The following ABCC5 variants were observed in gnomAD, a reference collection of about 807,000 sequenced individuals.
The protein encoded by ABCC5 is ATP binding cassette subfamily C member 5, also known as ATP-binding cassette sub-family C member 5.
A neutral mutation model predicts 160.9 loss-of-function variants in ABCC5; 61 were observed. The ratio of observed to expected loss-of-function variants is 0.38; its 90% CI spans 0.31 to 0.47. ABCC5 has a LOEUF of 0.47. ABCC5 is among the 20% of genes least tolerant of loss of function. The pLI is 0.99. For missense variants in ABCC5, 1,308 were observed against 1,813.3 expected (o/e 0.72, Z 5.06); for synonymous variants, 666 against 700.6 (o/e 0.95, Z 0.78).
At chr3:183,953,753 C>T (rs1039865201) in intron 17 of ABCC5, among the ~76,000 whole-genome samples, 1 of 152,076 alleles carries the variant, frequency 6.6e-6, no homozygotes, top group Non-Finnish European at 1.5e-5. Flanking sequence ...AAGGAGAGAG[C>T]AGGCAGAGAA....
chr3:183,998,800 T>C (rs1720493735), intron 2 of ABCC5, among the ~76,000 whole-genome samples: 1 of 152,068 alleles, frequency 6.6e-6, no homozygotes, highest in East Asian at 1.9e-4. Flanking sequence ...AGATAAACAA[T>C]GACTCAGGGC....
intron 8 of ABCC5, among the ~76,000 whole-genome samples, chr3:183,979,261 C>A (rs1718491745): frequency 1.3e-5 from 2 of 151,976 alleles, no homozygotes; most frequent in South Asian, 4.2e-4. Context: ...CGGAGAATTG[C>A]CTGAACCTGG....
intron 14 of ABCC5, 61 bp downstream of exon 14, chr3:183,965,124 G>A: frequency 6.4e-7 from 1 of 1,558,540 alleles, no homozygotes; most frequent in South Asian, 1.1e-5. Flanking sequence ...ACTCCCAGGA[G>A]CAGCTCTGGC....
chr3:183,985,020 A>G (rs764720691), intron 5 of ABCC5: 65 of 829,894 alleles, frequency 7.8e-5, no homozygotes, highest in Non-Finnish European at 1.2e-4. Context: ...TAAAAGACAT[A>G]GTGAATGTTT....
At chr3:183,924,585 G>C (rs893575900) in intron 29 of ABCC5, among the ~76,000 whole-genome samples, 1 of 152,130 alleles carries the variant, frequency 6.6e-6, no homozygotes, top group African/African-American at 2.4e-5. Flanking sequence ...TAATTTACTT[G>C]TATCCTAGGG....
chr3:183,986,606 T>C (rs1719239482), intron 5 of ABCC5: 1 of 152,120 alleles, frequency 6.6e-6, no homozygotes, highest in Non-Finnish European at 1.5e-5. Flanking sequence ...ATTGGCCAAA[T>C]GGAATCAAGA....
intron 28 of ABCC5, 56 bp from the exon 29 acceptor site, chr3:183,925,775 T>C (rs1284255726): frequency 6.5e-7 from 1 of 1,538,926 alleles, no homozygotes; most frequent in Non-Finnish European, 8.8e-7. Flanking sequence ...GCATTCTGGT[T>C]AATCTAGATT....
chr3:183,967,501 C>G (rs973211028), intron 12 of ABCC5, 194 bp downstream of exon 12: 1 of 578,548 alleles, frequency 1.7e-6, no homozygotes, highest in Non-Finnish European at 3.1e-6. Flanking sequence ...CAGGCGCCCA[C>G]CAGGCCTCCT....
chr3:183,970,439 CTTTTT>C (rs66475303), intron 11 of ABCC5, among the ~76,000 whole-genome samples: 29,788 of 145,216 alleles, frequency 0.21, 3,072 homozygotes, highest in East Asian at 0.43. Flanking sequence ...CCTCACCCAC[CTTTTT>C]TTTTTTTTTT....
At position 183,971,808 on chromosome 3, in the gene ABCC5, T is replaced by C. The variant is rs372636122; in HGVS notation, c.1516A>G (p.Ile506Val). The change falls in exon 11 of 30, where the codon ATC (isoleucine) becomes GTC (valine). Residue 506 changes from isoleucine (I) to valine (V), a missense_variant. Coordinates refer to ENST00000334444, the MANE Select transcript of ABCC5 (RefSeq NM_005688.4). ...GGGGTCAGCTTGGGCGAGTTCTGGA[T>C]ACTGGAGTGGGAGGAGTCCCATGCC... is the stretch of plus-strand genomic sequence containing the variant. Reference protein sequence around the residue: ...TLAWDSSHSSIQNSPKLTPKM... With the variant: ...TLAWDSSHSSVQNSPKLTPKM... The C allele has an allele frequency of 4.9e-5, 79 of 1,614,062 alleles. No homozygotes were observed. The highest frequency in any genetic ancestry group is 1.5e-4 in the Admixed American group (9 of 59,990).
intron 5 of ABCC5, chr3:183,985,637 G>A (rs1276216720): frequency 1.9e-6 from 1 of 523,060 alleles, no homozygotes; most frequent in African/African-American, 1.9e-5. Context: ...TCATAGGTGA[G>A]GCCTGGTCTT....
intron 8 of ABCC5, among the ~76,000 whole-genome samples, chr3:183,978,881 A>G (rs1305222165): frequency 2.0e-5 from 3 of 152,226 alleles, no homozygotes; most frequent in African/African-American, 4.8e-5. Flanking sequence ...ATCATCTTCT[A>G]TGATACCTTT....
In ABCC5 at chr3:184,014,367, T is replaced by G. The variant is rs780221322; in HGVS notation, c.26A>C (p.Glu9Ala). 6.2e-7 allele frequency: 1 copy of G among 1,613,712 alleles called. No homozygotes were observed. Among genetic ancestry groups the G allele is most frequent in the East Asian group, 2.2e-5 (1 of 44,858 alleles). ...ATACCCAGGACTGGGGATGATATAC[T>G]CTTTTCCTATGTCGATATCCTTCAT... MKDIDIGK[E>A]YIIPSPGYRS... The change falls in exon 2 of 30, where the codon GAG becomes GCG. Residue 9 changes from glutamate (E) to alanine (A), a missense_variant. Around this residue, in one of 3 missense-constraint regions of ABCC5, gnomAD observed 1,142 missense variants for 1,527.1 expected, o/e 0.75. Transcript: ENST00000334444.
At position 183,987,725 on chromosome 3, in the gene ABCC5, T is replaced by C; in HGVS notation, c.591+45A>G. On this transcript the variant is annotated intron_variant, in intron 5 of 29. Transcript: ENST00000334444. This position sits in a 1 kb window ranked among gnomAD's most constrained non-coding sequence, Gnocchi z 4.2. ...AGAATAAGAGTGTTAGAGCTGGCCGTGGCCGGGCCCCTGGAGACTGTCGGA... is the reference window on the plus strand; with the variant it reads ...AGAATAAGAGTGTTAGAGCTGGCCGCGGCCGGGCCCCTGGAGACTGTCGGA... 1.2e-6 allele frequency: 2 copies of C among 1,613,612 alleles called. No individual in the cohort carries two copies. Among genetic ancestry groups the C allele is most frequent in the South Asian group, 1.1e-5 (1 of 91,006 alleles).
At chr3:183,922,228 T>C (rs1712069340) in intron 29 of ABCC5, among the ~76,000 whole-genome samples, 1 of 151,028 alleles carries the variant, frequency 6.6e-6, no homozygotes, top group African/African-American at 2.4e-5. Flanking sequence ...AAAAATTAGC[T>C]GGGTGTGGTG....
At chr3:184,012,330 C>T (rs1236015807) in intron 2 of ABCC5, among the ~76,000 whole-genome samples, 3 of 152,048 alleles carry the variant, frequency 2.0e-5, no homozygotes, top group African/African-American at 7.3e-5. Flanking sequence ...TTTCACCCGA[C>T]CTATAATCTC....
chr3:183,974,474 A>G (rs1718042817), intron 10 of ABCC5, among the ~76,000 whole-genome samples: 1 of 152,068 alleles, frequency 6.6e-6, no homozygotes, highest in Non-Finnish European at 1.5e-5. Context: ...ACACCCAGCT[A>G]ATTTTTGTAT....
intron 26 of ABCC5, among the ~76,000 whole-genome samples, chr3:183,934,134 C>T (rs1713452082): frequency 1.3e-5 from 2 of 152,104 alleles, no homozygotes. Context: ...GGTGAAACCC[C>T]GTCTCTACTA....
At chr3:183,927,071 T>C (rs1712653926) in intron 28 of ABCC5, among the ~76,000 whole-genome samples, 1 of 152,034 alleles carries the variant, frequency 6.6e-6, no homozygotes, top group African/African-American at 2.4e-5. Context: ...TCTATGTCTA[T>C]GGTTTGCAGT....
Sources: allele counts gnomAD v4.1 joint callset (sites outside exome capture counted in the v4.1 genomes callset), GRCh38; gene constraint gnomAD v4.1.1; regional missense constraint gnomAD v4.1.1; non-coding constraint Gnocchi (gnomAD v3.1); transcripts MANE v1.5; gene names NCBI Gene and HGNC (gene_info 2026-07-23, HGNC 2026-07-21).